ADAM10: variants seen among roughly 807,000 people sequenced by gnomAD.
ADAM10 encodes disintegrin and metalloproteinase domain-containing protein 10.
ADAM10 carries 17 observed loss-of-function variants against 90.1 expected under a neutral mutation model. The observed-to-expected ratio is 0.19, with a 90% confidence interval of 0.13 to 0.28. The LOEUF (loss-of-function observed/expected upper bound fraction) is 0.28, where lower values mean the gene tolerates loss of function less well. ADAM10 is among the 10% of genes least tolerant of loss of function. The pLI is 1.00. For missense variants in ADAM10, 610 were observed against 914.3 expected, an observed-to-expected ratio of 0.67 and a Z score of 4.29; for synonymous variants, 310 against 298.6, an observed-to-expected ratio of 1.04 and a Z score of -0.40.
rs1341027202 is a variant in ADAM10, at chr15:58,653,916, A to C, written c.586-7712T>G. On this transcript the variant is annotated intron_variant, in intron 5 of 15. Transcript: ENST00000260408. Reference sequence around the variant, plus strand: ...TTGTTATTGGTCTGTTCAGGTTTTGAACATCATGGTTCAATCTTGGTAGGT... The same window carrying C: ...TTGTTATTGGTCTGTTCAGGTTTTGCACATCATGGTTCAATCTTGGTAGGT... Among the ~76,000 whole-genome samples the C allele has an allele frequency of 3.9e-5, 6 of 152,190 alleles. No individual in the cohort carries two copies. The South Asian group carries it at 8.3e-4, about 21-fold the overall frequency.
chr15:58,728,435 A>G (rs1405170333), intron 1 of ADAM10, among the ~76,000 whole-genome samples: 2 of 152,174 alleles, frequency 1.3e-5, no homozygotes, highest in African/African-American at 2.4e-5. Context: ...AAAGCTGACT[A>G]GATTTTTTTT....
chr15:58,653,571 G>A (rs1214610913), intron 5 of ADAM10, among the ~76,000 whole-genome samples: 1 of 152,052 alleles, frequency 6.6e-6, no homozygotes, highest in Non-Finnish European at 1.5e-5. Context: ...ATACCACTTA[G>A]TCATGATGAA....
intron 1 of ADAM10, among the ~76,000 whole-genome samples, chr15:58,726,769 G>A (rs1899045058): frequency 1.3e-5 from 2 of 151,530 alleles, no homozygotes; most frequent in African/African-American, 2.4e-5. Context: ...GGAGAGTGAG[G>A]TGGGAGGACT....
At chr15:58,624,339 T>C (rs1440514841) in intron 10 of ADAM10, among the ~76,000 whole-genome samples, 4 of 152,068 alleles carry the variant, frequency 2.6e-5, no homozygotes, top group Admixed American at 1.3e-4. Flanking sequence ...TCTGCACATA[T>C]ATACTAGGTG....
In ADAM10 at chr15:58,597,284, ATTC is replaced by A; in HGVS notation, c.*260_*262del. On this transcript the variant is annotated 3_prime_UTR_variant, in exon 16 of 16. Coordinates refer to ENST00000260408, the MANE Select transcript of ADAM10 (RefSeq NM_001110.4). Reference sequence around the variant, plus strand: ...CAGGGAACACGGGGCACATAATAATATTCTAAGACTTTGTGCCATTAAGTTAAA... The same window carrying A: ...CAGGGAACACGGGGCACATAATAATATAAGACTTTGTGCCATTAAGTTAAA... 1.7e-6 allele frequency: 2 copies of A among 1,200,658 alleles called. No individual in the cohort carries two copies. The highest frequency in any genetic ancestry group is 2.3e-6 in the Non-Finnish European group (2 of 870,032). The allele number at this position is 1,200,658 out of a possible 1,614,324, so 74.4% of individuals were successfully genotyped here.
intron 10 of ADAM10, among the ~76,000 whole-genome samples, chr15:58,624,782 C>G (rs1157529640): frequency 2.6e-5 from 4 of 152,218 alleles, no homozygotes; most frequent in African/African-American, 4.8e-5. Flanking sequence ...ATCTCCCTGT[C>G]TTGGCCTCCC....
intron 10 of ADAM10, among the ~76,000 whole-genome samples, chr15:58,623,808 A>T (rs77890125): frequency 0.05 from 7,601 of 152,100 alleles, 653 homozygotes; most frequent in African/African-American, 0.17. Context: ...CACCAGGGCC[A>T]GTCCAGGGGT....
intron 1 of ADAM10, among the ~76,000 whole-genome samples, chr15:58,733,850 A>G (rs1324307405): frequency 1.3e-5 from 2 of 151,498 alleles, no homozygotes; most frequent in East Asian, 3.8e-4. Flanking sequence ...TAACAAGTGT[A>G]GGCATGTTCA....
intron 5 of ADAM10, among the ~76,000 whole-genome samples, chr15:58,654,911 A>G (rs1896771629): frequency 6.6e-6 from 1 of 152,228 alleles, no homozygotes; most frequent in Admixed American, 6.5e-5. Context: ...ACAACCAAAC[A>G]TATGGTCTAT....
intron 1 of ADAM10, among the ~76,000 whole-genome samples, chr15:58,739,465 C>A (rs1444985750): frequency 1.3e-5 from 2 of 151,664 alleles, no homozygotes; most frequent in Admixed American, 1.3e-4. Flanking sequence ...GGCAGTGAGC[C>A]GAGATAGCAC....
At chr15:58,622,266 T>C (rs1170944129) in intron 10 of ADAM10, among the ~76,000 whole-genome samples, 1 of 152,174 alleles carries the variant, frequency 6.6e-6, no homozygotes, top group Non-Finnish European at 1.5e-5. Context: ...TCTAACAAAA[T>C]TAATAGCATG....
At chr15:58,712,059 G>GT (rs1324578656) in intron 2 of ADAM10, among the ~76,000 whole-genome samples, 6 of 151,986 alleles carry the variant, frequency 3.9e-5, no homozygotes, top group African/African-American at 1.4e-4. Context: ...TTGCAATGAA[G>GT]TTTTTCTCAT....
chr15:58,693,019 G>A (rs777676224), intron 2 of ADAM10: 5 of 782,160 alleles, frequency 6.4e-6, no homozygotes, highest in Non-Finnish European at 1.2e-5. Flanking sequence ...GGAAGGGTCT[G>A]TCAGGCTCTC....
chr15:58,731,981 T>C (rs750277478), intron 1 of ADAM10, among the ~76,000 whole-genome samples: 1 of 152,164 alleles, frequency 6.6e-6, no homozygotes, highest in South Asian at 2.1e-4. Flanking sequence ...AGAAATCTTC[T>C]AGAAGGAAAA....
In ADAM10 at chr15:58,595,077, G is replaced by A. The variant is rs1260448475; in HGVS notation, c.*2470C>T. 1.3e-5 allele frequency: 2 copies of A among 151,866 alleles called. No homozygotes were observed. The highest frequency in any genetic ancestry group is 2.9e-5 in the Non-Finnish European group (2 of 67,944). The allele number at this position is 151,866 out of a possible 1,614,324, so 9.4% of individuals were successfully genotyped here. A position where few individuals can be genotyped will look rare whatever the true frequency, so the allele number is the denominator to read the frequency against. On this transcript the variant is annotated 3_prime_UTR_variant, in exon 16 of 16. Coordinates refer to ENST00000260408, the MANE Select transcript of ADAM10 (RefSeq NM_001110.4). ...AACTAGGCTTTTTAAAATAAATGAG[G>A]TACTTAGCATTCAAAACTTTGAAAA...
chr15:58,660,657 T>C (rs1373677309), intron 5 of ADAM10, among the ~76,000 whole-genome samples: 4 of 152,122 alleles, frequency 2.6e-5, no homozygotes, highest in Non-Finnish European at 5.9e-5. Flanking sequence ...ATCCCATCAG[T>C]TTTTTGTTCC....
rs189011988 is a variant in ADAM10 at position 58,593,335 on chromosome 15, C to T, written c.*4212G>A. ...CAAGCAAATCTCCTGCCTCTGCCTC[C>T]CGAGTAGCTGGGATTACAAGCATGT... On this transcript the variant is annotated 3_prime_UTR_variant, in exon 16 of 16. Transcript: ENST00000260408. 1 of 152,030 alleles carries T rather than the reference C, an allele frequency of 6.6e-6. No homozygotes were observed. Among genetic ancestry groups the T allele is most frequent in the Non-Finnish European group, 1.5e-5 (1 of 68,022 alleles). 9.4% of individuals were successfully genotyped at this position (152,030 alleles called of 1,614,324 possible).
chr15:58,721,531 G>C (rs953931994), intron 1 of ADAM10, among the ~76,000 whole-genome samples: 1 of 152,148 alleles, frequency 6.6e-6, no homozygotes, highest in Non-Finnish European at 1.5e-5. Context: ...ATGGGTAGAG[G>C]ATAAAGCAGC....
At chr15:58,729,242 T>C (rs549084669) in intron 1 of ADAM10, among the ~76,000 whole-genome samples, 1 of 152,204 alleles carries the variant, frequency 6.6e-6, no homozygotes, top group Non-Finnish European at 1.5e-5. Flanking sequence ...TACTACTCAC[T>C]ATGTGTTCAA....
Sources: allele counts gnomAD v4.1 joint callset (sites outside exome capture counted in the v4.1 genomes callset), GRCh38; gene constraint gnomAD v4.1.1; transcripts MANE v1.5; gene names NCBI Gene and HGNC (gene_info 2026-07-23, HGNC 2026-07-21).